The following CASQ2 variants were observed in gnomAD, a reference collection of about 807,000 sequenced individuals.
CASQ2 encodes calsequestrin-2.
Under a neutral mutation model 46.5 loss-of-function variants are expected in CASQ2, and 49 were observed. The ratio of observed to expected loss-of-function variants is 1.05; its 90% CI spans 0.84 to 1.34. The LOEUF (loss-of-function observed/expected upper bound fraction) is 1.34. CASQ2 is among the 40% of genes most tolerant of loss of function. CASQ2 has a pLI of 0.00. For missense variants in CASQ2, 486 were observed against 481.3 expected (o/e 1.01, Z -0.09); for synonymous variants, 174 against 168.5 (o/e 1.03, Z -0.25).
rs2101082869 is a variant in CASQ2 at position 115,730,250 on chromosome 1, G to C, written c.606+2651C>G. ...AAGCTTGTTGGAGGATACTAATATGGATAGTGGTTGGGAACTACTGACTGA... is the reference window on the plus strand; with the variant it reads ...AAGCTTGTTGGAGGATACTAATATGCATAGTGGTTGGGAACTACTGACTGA... On this transcript the variant is annotated intron_variant, in intron 5 of 10. Coordinates refer to ENST00000261448, the MANE Select transcript of CASQ2 (RefSeq NM_001232.4). Among the ~76,000 whole-genome samples, 2 of 152,308 alleles carry C rather than the reference G, an allele frequency of 1.3e-5. 1 individual carries two copies.
chr1:115,751,444 G>T (rs188730837), intron 1 of CASQ2, among the ~76,000 whole-genome samples: 1 of 151,744 alleles, frequency 6.6e-6, no homozygotes, highest in African/African-American at 2.4e-5. Flanking sequence ...CGAGGCAGGC[G>T]GAACACGAGG....
chr1:115,710,252 A>G (rs1043761323), intron 8 of CASQ2, among the ~76,000 whole-genome samples: 2 of 152,154 alleles, frequency 1.3e-5, no homozygotes, highest in Non-Finnish European at 2.9e-5. Flanking sequence ...GTACTTTTAC[A>G]TTTGATTTTT....
At chr1:115,750,196 C>T (rs773779227) in intron 1 of CASQ2, among the ~76,000 whole-genome samples, 14 of 152,108 alleles carry the variant, frequency 9.2e-5, no homozygotes, top group Non-Finnish European at 1.6e-4. Context: ...GAGTTACATA[C>T]GTGAGAAAAA....
chr1:115,718,317 C>T (rs888903053), intron 7 of CASQ2, among the ~76,000 whole-genome samples: 11 of 152,190 alleles, frequency 7.2e-5, no homozygotes, highest in Non-Finnish European at 1.5e-4. Flanking sequence ...CTGTCAGTCT[C>T]TGTTTCAAGA....
chr1:115,738,898 C>T (rs1025336427), intron 3 of CASQ2, among the ~76,000 whole-genome samples: 37 of 151,652 alleles, frequency 2.4e-4, no homozygotes, highest in Non-Finnish European at 5.0e-4. Context: ...CCACCCCATC[C>T]TGCTTTTGGC....
In CASQ2 at chr1:115,705,225, G is replaced by A. The variant is rs1259966210; in HGVS notation, c.906C>T (p.Ser302=). Residue 302 remains serine, a synonymous_variant, in exon 9 of 11, where the codon AGC becomes AGT. Transcript: ENST00000261448. The part of the protein sequence containing the change: ...ARDNTDNPDL[S]ILWIDPDDFP... ...AGTCGTCCGGGTCGATCCACAGGAT[G>A]CTCAGATCGGGGTTGTCAGTATTGT... 1.2e-6 allele frequency: 2 copies of A among 1,613,742 alleles called. No individual in the cohort carries two copies. Among genetic ancestry groups the A allele is most frequent in the Non-Finnish European group, 1.7e-6 (2 of 1,179,678 alleles).
At chr1:115,725,155 C>T (rs3010393) in intron 7 of CASQ2, among the ~76,000 whole-genome samples, 5,976 of 152,212 alleles carry the variant, frequency 0.039, 386 homozygotes, top group African/African-American at 0.14. Context: ...CAGACTTGAC[C>T]TCCCAGGCTC....
In CASQ2 at chr1:115,744,823, C is replaced by T; in HGVS notation, c.319+5G>A. The T allele has an allele frequency of 6.2e-7, 1 of 1,606,890 alleles. No homozygotes were observed. Among genetic ancestry groups the T allele is most frequent in the Non-Finnish European group, 8.5e-7 (1 of 1,173,464 alleles). On this transcript the variant is annotated splice_donor_5th_base_variant and intron_variant, in intron 2 of 10. Coordinates refer to ENST00000261448, the MANE Select transcript of CASQ2 (RefSeq NM_001232.4). ...CACATACAGTATCTCAAAAATCACACTTACCCAGTTTCTTGGCAAGCTTGG... is the reference window on the plus strand; with the variant it reads ...CACATACAGTATCTCAAAAATCACATTTACCCAGTTTCTTGGCAAGCTTGG...
chr1:115,726,920 T>C, intron 6 of CASQ2, 72 bp downstream of exon 6: 2 of 1,289,260 alleles, frequency 1.6e-6, no homozygotes, highest in South Asian at 2.5e-5. Context: ...AGGTCTGAAA[T>C]GTTAGCACAG....
chr1:115,743,991 A>AT (rs907291078), intron 2 of CASQ2, among the ~76,000 whole-genome samples: 2 of 151,842 alleles, frequency 1.3e-5, no homozygotes, highest in South Asian at 2.1e-4. Context: ...ACAAAAAAAA[A>AT]AAATGAACTG....
At chr1:115,716,707 A>G (rs1427689728) in intron 8 of CASQ2, among the ~76,000 whole-genome samples, 3 of 152,134 alleles carry the variant, frequency 2.0e-5, no homozygotes, top group Admixed American at 1.3e-4. Context: ...AAAAAAATAA[A>G]ATCCCGCTAG....
intron 1 of CASQ2, among the ~76,000 whole-genome samples, chr1:115,762,959 G>A (rs1329326854): frequency 1.3e-5 from 2 of 152,168 alleles, no homozygotes; most frequent in African/African-American, 4.8e-5. Context: ...CTGGCCAGCT[G>A]GGGCTCCACC....
Position 115,701,109 on chromosome 1 carries a change from T to C in CASQ2, c.*132A>G, listed in dbSNP as rs1654189068. 2 of 1,375,320 alleles carry C rather than the reference T, an allele frequency of 1.5e-6. No individual in the cohort carries two copies. The highest frequency in any genetic ancestry group is 2.1e-6 in the Non-Finnish European group (2 of 966,832). The allele number at this position is 1,375,320 out of a possible 1,614,324, so 85.2% of individuals were successfully genotyped here. On this transcript the variant is annotated 3_prime_UTR_variant, in exon 11 of 11. Coordinates refer to ENST00000261448, the MANE Select transcript of CASQ2 (RefSeq NM_001232.4). ...GATGCTGCTCCTGACGCAAAGGGAG[T>C]GGGAAAAGAGATGATGGAAAAGGGA...
chr1:115,721,754 A>G (rs1210156980), intron 7 of CASQ2, among the ~76,000 whole-genome samples: 1 of 152,064 alleles, frequency 6.6e-6, no homozygotes. Context: ...TATTTTTTGC[A>G]GAGATGGAGT....
chr1:115,752,379 A>C lies in CASQ2; in HGVS notation c.235-7467T>G, dbSNP rs571237501. Among the ~76,000 whole-genome samples, 360 of 152,336 alleles carry C rather than the reference A, an allele frequency of 2.4e-3. 8 individuals are homozygous for C. The South Asian group carries it at 0.031, about 13-fold the overall frequency. On this transcript the variant is annotated intron_variant, in intron 1 of 10. Coordinates refer to ENST00000261448, the MANE Select transcript of CASQ2 (RefSeq NM_001232.4). ...GTTTTTCTCCCATGCTATCTCCAGC[A>C]CCTAGCGTAATACCTGAACAGATTA... is the stretch of plus-strand genomic sequence containing the variant.
chr1:115,746,740 T>G (rs1218800868), intron 1 of CASQ2, among the ~76,000 whole-genome samples: 1 of 152,166 alleles, frequency 6.6e-6, no homozygotes, highest in Non-Finnish European at 1.5e-5. Context: ...AGATATATGG[T>G]TTACAAGCAT....
intron 1 of CASQ2, among the ~76,000 whole-genome samples, chr1:115,745,645 C>T (rs969405427): frequency 6.6e-6 from 1 of 152,156 alleles, no homozygotes; most frequent in African/African-American, 2.4e-5. Context: ...TACTTGCTTA[C>T]TTCAGGACTG....
intron 4 of CASQ2, among the ~76,000 whole-genome samples, chr1:115,734,622 G>T (rs747990567): frequency 1.3e-5 from 2 of 152,128 alleles, no homozygotes; most frequent in Non-Finnish European, 2.9e-5. Context: ...GCCTGTTCCT[G>T]GTCCCTTCCA....
chr1:115,752,525 G>A (rs758199185), intron 1 of CASQ2, among the ~76,000 whole-genome samples: 2 of 152,134 alleles, frequency 1.3e-5, no homozygotes, highest in African/African-American at 2.4e-5. Context: ...AGGAGTGTGT[G>A]GATAGGCGGA....
Sources: allele counts gnomAD v4.1 joint callset (sites outside exome capture counted in the v4.1 genomes callset), GRCh38; gene constraint gnomAD v4.1.1; transcripts MANE v1.5; gene names NCBI Gene and HGNC (gene_info 2026-07-23, HGNC 2026-07-21).